USH1G: variants seen among roughly 807,000 people sequenced by gnomAD.
USH1G encodes the protein USH1 protein network component sans.
USH1G carries 27 observed loss-of-function variants against 31.9 expected under a neutral mutation model. That is an observed-to-expected ratio of 0.85 (90% confidence interval 0.62 to 1.17). The LOEUF (loss-of-function observed/expected upper bound fraction) is 1.17, where lower values mean the gene tolerates loss of function less well. Ranked by LOEUF, USH1G falls within the 50% of genes most tolerant of loss-of-function variation. The probability of loss-of-function intolerance (pLI) is 0.00; values close to 1 mark genes in which losing one functional copy is unlikely to be tolerated. For missense variants in USH1G, 674 were observed against 638.9 expected, an observed-to-expected ratio of 1.05 and a Z score of -0.59; for synonymous variants, 266 against 283.2, an observed-to-expected ratio of 0.94 and a Z score of 0.61.
Position 74,919,755 on chromosome 17 carries a change from T to A in USH1G, c.1081A>T (p.Asn361Tyr). The change falls in exon 2 of 3, where the codon AAC becomes TAC. Residue 361 changes from asparagine to tyrosine, a missense_variant. Asn to Tyr is a moderately radical substitution (Grantham distance 143, BLOSUM62 -2). Coordinates refer to ENST00000614341, the MANE Select transcript of USH1G (RefSeq NM_173477.5). This position sits in a 1 kb window ranked among gnomAD's most constrained non-coding sequence, Gnocchi z 4.5. ...SLDDDSLGSA[N>Y]SLQDRSCGEE... Reference sequence around the variant, plus strand: ...CCACAGCTGCGGTCCTGCAGGCTGTTGGCACTGCCCAGGCTGTCATCGTCC... The same window carrying A: ...CCACAGCTGCGGTCCTGCAGGCTGTAGGCACTGCCCAGGCTGTCATCGTCC... 1 of 1,612,872 alleles carries A rather than the reference T, an allele frequency of 6.2e-7. No individual in the cohort carries two copies. The highest frequency in any genetic ancestry group is 8.5e-7 in the Non-Finnish European group (1 of 1,179,996).
Position 74,920,739 on chromosome 17 carries a change from AG to A in USH1G, c.165-69del. 1.8e-6 allele frequency: 2 copies of A among 1,119,574 alleles called. No homozygotes were observed. Among genetic ancestry groups the A allele is most frequent in the Non-Finnish European group, 2.6e-6 (2 of 775,910 alleles). The allele number at this position is 1,119,574 out of a possible 1,614,324, so 69.4% of individuals were successfully genotyped here. A position where few individuals can be genotyped will look rare whatever the true frequency, so the allele number is the denominator to read the frequency against. ...CTGGGGATGGAGGTGGAGGGAGTGG[AG>A]GGGGGAGGGGAGCTTCCCCACTGTC... is the stretch of plus-strand genomic sequence containing the variant. On this transcript the variant is annotated intron_variant, in intron 1 of 2. Coordinates refer to ENST00000614341, the MANE Select transcript of USH1G (RefSeq NM_173477.5). This position sits in a 1 kb window ranked among gnomAD's most constrained non-coding sequence, Gnocchi z 5.2.
In USH1G at chr17:74,923,198, C is replaced by A. The variant is rs1483882134; in HGVS notation, c.-125G>T. On this transcript the variant is annotated 5_prime_UTR_variant, in exon 1 of 3. Coordinates refer to ENST00000614341, the MANE Select transcript of USH1G (RefSeq NM_173477.5). The surrounding 1 kb of genome is among the most constrained non-coding windows in gnomAD (Gnocchi z 5.3). ...GCCGGGCAGGGGCCGGGGCCGCCAG[C>A]CCCCGCTGCCGCAGACGGAGGGTGC... 17 of 843,118 alleles carry A rather than the reference C, an allele frequency of 2.0e-5. No homozygotes were observed. Among genetic ancestry groups the A allele is most frequent in the Non-Finnish European group, 2.6e-5 (16 of 612,340 alleles). 52.2% of individuals were successfully genotyped at this position (843,118 alleles called of 1,614,324 possible).
Position 74,919,679 on chromosome 17 carries a change from T to C in USH1G, c.1157A>G (p.Glu386Gly). The C allele has an allele frequency of 6.2e-7, 1 of 1,612,810 alleles. No individual in the cohort carries two copies. Among genetic ancestry groups the C allele is most frequent in the Admixed American group, 1.7e-5 (1 of 60,034 alleles). ...ELDLGLDEDLEPETSPLETFL... is the reference protein window; with the variant it reads ...ELDLGLDEDLGPETSPLETFL... ...GGTCTCCAGCGGGCTAGTCTCGGGC[T>C]CCAGGTCCTCGTCCAAGCCTAAATC... The change falls in exon 2 of 3, where the codon GAG (glutamate) becomes GGG (glycine). Residue 386 changes from glutamate to glycine, a missense_variant. Transcript: ENST00000614341. This position sits in a 1 kb window ranked among gnomAD's most constrained non-coding sequence, Gnocchi z 4.5.
In USH1G at chr17:74,921,936, T is replaced by G. The variant is rs994118855; in HGVS notation, c.164+974A>C. On this transcript the variant is annotated intron_variant, in intron 1 of 2. Transcript: ENST00000614341. The surrounding 1 kb of genome is among the most constrained non-coding windows in gnomAD (Gnocchi z 4.6). ...CCAAGGAGAGGGCAAGAAGGAGGGG[T>G]CTCCAGCACCTACTACATGTTCAGG... Among the ~76,000 whole-genome samples, 1 of 151,674 alleles carries G rather than the reference T, an allele frequency of 6.6e-6. No homozygotes were observed.
chr17:74,919,355 T>G lies in USH1G; in HGVS notation c.1382+99A>C. ...CATTTCGATTTTATGAAATACAGTA[T>G]CCCCCACCCCCTACTCCTGAATAGG... On this transcript the variant is annotated intron_variant, in intron 2 of 2. Transcript: ENST00000614341. The surrounding 1 kb of genome is among the most constrained non-coding windows in gnomAD (Gnocchi z 4.5). 6.9e-7 allele frequency: 1 copy of G among 1,440,912 alleles called. No homozygotes were observed. Among genetic ancestry groups the G allele is most frequent in the Non-Finnish European group, 9.2e-7 (1 of 1,090,362 alleles). 89.3% of individuals were successfully genotyped at this position (1,440,912 alleles called of 1,614,324 possible).
intron 1 of USH1G, 142 bp downstream of exon 1, chr17:74,922,768 C>G (rs1424116845): frequency 1.0e-6 from 1 of 992,618 alleles, no homozygotes; most frequent in South Asian, 1.8e-5. Context: ...CTTGGGTCCC[C>G]TCAACATGTG....
In USH1G at chr17:74,918,258, C is replaced by A. The variant is rs967227197; in HGVS notation, c.1383-182G>T. 6.6e-6 allele frequency among the ~76,000 whole-genome samples: 1 copy of A among 152,178 alleles called. No homozygotes were observed. The highest frequency in any genetic ancestry group is 1.5e-5 in the Non-Finnish European group (1 of 68,030). ...TCCCCAAAACTCTGAACCAGCCTGCCTCCCCACACCCATCCCTGCCCCAGC... is the reference window on the plus strand; with the variant it reads ...TCCCCAAAACTCTGAACCAGCCTGCATCCCCACACCCATCCCTGCCCCAGC... On this transcript the variant is annotated intron_variant, in intron 2 of 2. Coordinates refer to ENST00000614341, the MANE Select transcript of USH1G (RefSeq NM_173477.5). The surrounding 1 kb of genome is among the most constrained non-coding windows in gnomAD (Gnocchi z 4.1).
chr17:74,920,322 G>T lies in USH1G; in HGVS notation c.514C>A (p.Arg172Ser), dbSNP rs199941325. Residue 172 changes from arginine (R) to serine (S), a missense_variant, in exon 2 of 3, where the codon CGT (arginine) becomes AGT (serine). Coordinates refer to ENST00000614341, the MANE Select transcript of USH1G (RefSeq NM_173477.5). The surrounding 1 kb of genome is among the most constrained non-coding windows in gnomAD (Gnocchi z 5.2). ...ERRYRRELAE[R>S]SDTLSFSSLT... ...CTGGAGAAGCTGAGGGTGTCGGAAC[G>T]CTCGGCCAGCTCGCGCCGGTATCGC... The T allele has an allele frequency of 2.5e-6, 4 of 1,608,362 alleles. No homozygotes were observed. The highest frequency in any genetic ancestry group is 3.4e-6 in the Non-Finnish European group (4 of 1,178,958).
In USH1G at chr17:74,918,491, C is replaced by A. The variant is rs545646138; in HGVS notation, c.1383-415G>T. The stretch of plus-strand genomic sequence containing the variant: ...CCTCTTGGGAGCATTTGCCCACGTT[C>A]CTGATTGCAAAGTTCAGGAACAGTA... On this transcript the variant is annotated intron_variant, in intron 2 of 2. Coordinates refer to ENST00000614341, the MANE Select transcript of USH1G (RefSeq NM_173477.5). The surrounding 1 kb of genome is among the most constrained non-coding windows in gnomAD (Gnocchi z 4.1). Among the ~76,000 whole-genome samples the A allele has an allele frequency of 7.2e-5, 11 of 152,308 alleles. No individual in the cohort carries two copies. The highest frequency in any genetic ancestry group is 1.9e-4 in the African/African-American group (8 of 41,570).
rs372750895 is a variant in USH1G at position 74,920,040 on chromosome 17, C to G, written c.796G>C (p.Glu266Gln). The G allele has an allele frequency of 9.3e-6, 15 of 1,610,548 alleles. No individual in the cohort carries two copies. The African/African-American group carries it at 1.7e-4, about 19-fold the overall frequency. The change falls in exon 2 of 3, where the codon GAG becomes CAG. Residue 266 changes from glutamate (E) to glutamine (Q), a missense_variant. Transcript: ENST00000614341. This position sits in a 1 kb window ranked among gnomAD's most constrained non-coding sequence, Gnocchi z 5.2. Reference protein sequence around the residue: ...VRQGTYANPKEWGRAPLRDMF... With the variant: ...VRQGTYANPKQWGRAPLRDMF... Reference sequence around the variant, plus strand: ...TCCCGGAGCGGGGCTCGGCCCCACTCCTTGGGATTGGCGTAGGTGCCCTGG... The same window carrying G: ...TCCCGGAGCGGGGCTCGGCCCCACTGCTTGGGATTGGCGTAGGTGCCCTGG...
In USH1G at chr17:74,916,368, C is replaced by T. The variant is rs138923906; in HGVS notation, c.*1705G>A. On this transcript the variant is annotated 3_prime_UTR_variant, in exon 3 of 3. Transcript: ENST00000614341. Reference sequence around the variant, plus strand: ...TGGCAGGCAGCCAAGCCCTCAGTGTCCTGCAGTAGGACAGGGACCATCTCC... The same window carrying T: ...TGGCAGGCAGCCAAGCCCTCAGTGTTCTGCAGTAGGACAGGGACCATCTCC... 2.0e-5 allele frequency: 3 copies of T among 152,584 alleles called. No homozygotes were observed. Among genetic ancestry groups the T allele is most frequent in the African/African-American group, 7.2e-5 (3 of 41,568 alleles). 9.5% of individuals were successfully genotyped at this position (152,584 alleles called of 1,614,324 possible). A position where few individuals can be genotyped will look rare whatever the true frequency, so the allele number is the denominator to read the frequency against.
rs776968656 is a variant in USH1G, at chr17:74,919,481, C to T, written c.1355G>A (p.Arg452His). Residue 452 changes from arginine (R) to histidine (H), a missense_variant, in exon 2 of 3, where the codon CGC becomes CAC. Transcript: ENST00000614341. This position sits in a 1 kb window ranked among gnomAD's most constrained non-coding sequence, Gnocchi z 4.5. ...CTCTGTGTCCTCCAGGGCCGGCGGG[C>T]GCTCCATCGCCTGCCGCCGCCTCCT... is the stretch of plus-strand genomic sequence containing the variant. ...AVRRRRQAME[R>H]PPALEDTEL is the part of the protein sequence containing the mutation. 26 of 1,608,246 alleles carry T rather than the reference C, an allele frequency of 1.6e-5. No homozygotes were observed. In the East Asian group the frequency reaches 2.5e-4, roughly 15 times the overall value.
chr17:74,917,868 T>G lies in USH1G; in HGVS notation c.*205A>C. On this transcript the variant is annotated 3_prime_UTR_variant, in exon 3 of 3. Transcript: ENST00000614341. ...CCTTCAAGACCCCTCAGAACTGGAG[T>G]TCCGGAACATTCTCTTGCCCCTCTG... 1.5e-6 allele frequency: 1 copy of G among 659,288 alleles called. No homozygotes were observed. Among genetic ancestry groups the G allele is most frequent in the Non-Finnish European group, 2.7e-6 (1 of 373,434 alleles). 40.8% of individuals were successfully genotyped at this position (659,288 alleles called of 1,614,324 possible).
In USH1G at chr17:74,917,770, T is replaced by G; in HGVS notation, c.*303A>C. 2.1e-6 allele frequency: 1 copy of G among 482,276 alleles called. No individual in the cohort carries two copies. The highest frequency in any genetic ancestry group is 3.8e-6 in the Non-Finnish European group (1 of 263,572). The allele number at this position is 482,276 out of a possible 1,614,324, so 29.9% of individuals were successfully genotyped here. Reference sequence around the variant, plus strand: ...CACTCTCATCCAGTTCCGATGCCCCTGCCCTCCCTCTGGGGCAGGCCTCCC... The same window carrying G: ...CACTCTCATCCAGTTCCGATGCCCCGGCCCTCCCTCTGGGGCAGGCCTCCC... On this transcript the variant is annotated 3_prime_UTR_variant, in exon 3 of 3. Coordinates refer to ENST00000614341, the MANE Select transcript of USH1G (RefSeq NM_173477.5).
In USH1G at chr17:74,921,135, G is replaced by A. The variant is rs1228577708; in HGVS notation, c.165-464C>T. ...AAAAGAGAACAGACCAGTGGGTGGT[G>A]TGTGCCGGGCCCCAGCCCCGGGTGA... On this transcript the variant is annotated intron_variant, in intron 1 of 2. Coordinates refer to ENST00000614341, the MANE Select transcript of USH1G (RefSeq NM_173477.5). The surrounding 1 kb of genome is among the most constrained non-coding windows in gnomAD (Gnocchi z 4.6). Among the ~76,000 whole-genome samples, 6 of 152,298 alleles carry A rather than the reference G, an allele frequency of 3.9e-5. No individual in the cohort carries two copies. In the East Asian group the frequency reaches 7.7e-4, roughly 20 times the overall value.
At position 74,917,240 on chromosome 17, in the gene USH1G, G is replaced by A. The variant is rs1427658217; in HGVS notation, c.*833C>T. The A allele has an allele frequency of 2.0e-5, 3 of 152,404 alleles. No homozygotes were observed. The highest frequency in any genetic ancestry group is 7.2e-5 in the African/African-American group (3 of 41,482). The allele number at this position is 152,404 out of a possible 1,614,324, so 9.4% of individuals were successfully genotyped here. On this transcript the variant is annotated 3_prime_UTR_variant, in exon 3 of 3. Coordinates refer to ENST00000614341, the MANE Select transcript of USH1G (RefSeq NM_173477.5). ...CAGGCCTGGGAGACTGAGGAGGTTG[G>A]CGGACACCTTTCTCTAGCCCAGCGC...
In USH1G at chr17:74,921,545, C is replaced by T. The variant is rs1254754017; in HGVS notation, c.165-874G>A. On this transcript the variant is annotated intron_variant, in intron 1 of 2. Coordinates refer to ENST00000614341, the MANE Select transcript of USH1G (RefSeq NM_173477.5). The surrounding 1 kb of genome is among the most constrained non-coding windows in gnomAD (Gnocchi z 4.6). ...CCCCTGCCCTGCACTAATGAGGCCACAAGGCCAACCCCCAGGGCTGGGGGA... is the reference window on the plus strand; with the variant it reads ...CCCCTGCCCTGCACTAATGAGGCCATAAGGCCAACCCCCAGGGCTGGGGGA... Among the ~76,000 whole-genome samples, 1 of 152,126 alleles carries T rather than the reference C, an allele frequency of 6.6e-6. No individual in the cohort carries two copies. Among genetic ancestry groups the T allele is most frequent in the Non-Finnish European group, 1.5e-5 (1 of 67,972 alleles).
In USH1G at chr17:74,919,731, C is replaced by A; in HGVS notation, c.1105G>T (p.Gly369Trp). ...SANSLQDRSC[G>W]EELPWDELDL... ...AGCTCATCCCAGGGCAGCTCCTCCC[C>A]ACAGCTGCGGTCCTGCAGGCTGTTG... Residue 369 changes from glycine (G) to tryptophan (W), a missense_variant, in exon 2 of 3, where the codon GGG becomes TGG. Physicochemically the swap from Gly to Trp is radical, Grantham distance 184. Transcript: ENST00000614341. This position sits in a 1 kb window ranked among gnomAD's most constrained non-coding sequence, Gnocchi z 4.5. 6.2e-7 allele frequency: 1 copy of A among 1,612,998 alleles called. No individual in the cohort carries two copies. The highest frequency in any genetic ancestry group is 1.1e-5 in the South Asian group (1 of 91,086).
Position 74,919,813 on chromosome 17 carries a change from C to T in USH1G, c.1023G>A (p.Ala341=), listed in dbSNP as rs1442592434. The T allele has an allele frequency of 1.9e-6, 3 of 1,612,770 alleles. No homozygotes were observed. Among genetic ancestry groups the T allele is most frequent in the African/African-American group, 2.7e-5 (2 of 74,944 alleles). The change falls in exon 2 of 3, where the codon GCG becomes GCA. Residue 341 remains alanine, a synonymous_variant. Coordinates refer to ENST00000614341, the MANE Select transcript of USH1G (RefSeq NM_173477.5). The surrounding 1 kb of genome is among the most constrained non-coding windows in gnomAD (Gnocchi z 4.5). ...GGGAGCTCTGCAGCCGACCCCGCGG[C>T]GCTCCCACCCCATCCAGACCCCCAT... ...REDGGLDGVG[A]PRGRLQSSPS...
Sources: gnomAD v4.1 joint callset for allele counts (sites outside exome capture counted in the v4.1 genomes callset) on GRCh38, gnomAD v4.1.1 for gene constraint, Gnocchi (gnomAD v3.1) non-coding constraint, MANE v1.5 for transcripts, NCBI Gene and HGNC (gene_info 2026-07-23, HGNC 2026-07-21) for gene names.